Variants in MBTD1 observed in about 807,000 individuals in gnomAD.
MBTD1 encodes mbt domain containing 1.
Under a neutral mutation model 87.8 loss-of-function variants are expected in MBTD1, and 24 were observed. That is an observed-to-expected ratio of 0.27 (90% CI 0.20 to 0.38). The LOEUF is 0.38. Among genes scored for constraint, MBTD1 ranks in the 10% least tolerant of loss-of-function variants. MBTD1 has a pLI of 1.00. For missense variants in MBTD1, 436 were observed against 760.2 expected, an observed-to-expected ratio of 0.57 and a Z score of 5.02; for synonymous variants, 237 against 248.6, an observed-to-expected ratio of 0.95 and a Z score of 0.44.
At chr17:51,192,610 AC>A in intron 15 of MBTD1, 171 bp downstream of exon 15, 1 of 1,175,254 alleles carries the variant, frequency 8.5e-7, no homozygotes, top group Non-Finnish European at 1.2e-6. Flanking sequence ...TTGCCATGGG[AC>A]ACATGGTCTG....
intron 7 of MBTD1, among the ~76,000 whole-genome samples, chr17:51,205,072 T>G (rs1232495102): frequency 6.6e-6 from 1 of 152,222 alleles, no homozygotes; most frequent in African/African-American, 2.4e-5. Flanking sequence ...ATAAACTTTA[T>G]GTTGATAAAA....
intron 2 of MBTD1, among the ~76,000 whole-genome samples, chr17:51,239,985 G>C (rs977052173): frequency 2.0e-5 from 3 of 151,974 alleles, no homozygotes; most frequent in Non-Finnish European, 4.4e-5. Flanking sequence ...TTCAGCCCAG[G>C]GTCATATATT....
intron 2 of MBTD1, among the ~76,000 whole-genome samples, chr17:51,253,002 C>A (rs2054882990): frequency 6.6e-6 from 1 of 151,244 alleles, no homozygotes. Flanking sequence ...CTCATCAGAG[C>A]TGAATTGGGA....
rs368806906 is a variant in MBTD1 at position 51,257,657 on chromosome 17, T to C, written c.-49+1486A>G. Among the ~76,000 whole-genome samples, 11 of 152,324 alleles carry C rather than the reference T, an allele frequency of 7.2e-5. No individual in the cohort carries two copies. The South Asian group carries it at 2.1e-3, about 29-fold the overall frequency. On this transcript the variant is annotated intron_variant, in intron 2 of 16. Coordinates refer to ENST00000586178, the MANE Select transcript of MBTD1 (RefSeq NM_017643.3). ...CTGTCTAGTATGTTTAGAATGCAGA[T>C]GTCTCCAAAGTCAGTCAACTTAAGT...
intron 2 of MBTD1, among the ~76,000 whole-genome samples, chr17:51,255,173 C>T (rs1345457792): frequency 1.3e-5 from 2 of 151,754 alleles, no homozygotes; most frequent in African/African-American, 4.8e-5. Context: ...CCCAGCCACT[C>T]GGGAGGCTGA....
At chr17:51,213,018 G>A (rs1312736972) in intron 6 of MBTD1, among the ~76,000 whole-genome samples, 3 of 151,998 alleles carry the variant, frequency 2.0e-5, no homozygotes, top group South Asian at 2.1e-4. Context: ...GTGAGTCACC[G>A]TGCCTGGCCT....
At chr17:51,211,775 C>T (rs762301744) in intron 6 of MBTD1, among the ~76,000 whole-genome samples, 4 of 147,144 alleles carry the variant, frequency 2.7e-5, no homozygotes, top group Admixed American at 1.4e-4. Flanking sequence ...TGTGGGGTCA[C>T]GACTAGGGAA....
At chr17:51,207,498 C>T (rs2051917475) in intron 6 of MBTD1, among the ~76,000 whole-genome samples, 1 of 151,926 alleles carries the variant, frequency 6.6e-6, no homozygotes, top group Non-Finnish European at 1.5e-5. Context: ...AAATCTAGTC[C>T]ACATAGATGG....
intron 2 of MBTD1, among the ~76,000 whole-genome samples, chr17:51,227,474 T>C (rs150810636): frequency 2.6e-4 from 40 of 152,082 alleles, no homozygotes; most frequent in African/African-American, 8.2e-4. Context: ...AGTAGGAGGA[T>C]AGCTTGACCT....
At chr17:51,188,099 A>C (rs2066930789) in intron 16 of MBTD1, among the ~76,000 whole-genome samples, 1 of 152,220 alleles carries the variant, frequency 6.6e-6, no homozygotes, top group Non-Finnish European at 1.5e-5. Flanking sequence ...TGCAGCAACA[A>C]CTTAAGACTT....
intron 6 of MBTD1, among the ~76,000 whole-genome samples, chr17:51,214,139 T>TAACACAC (rs71300606): frequency 6.6e-6 from 1 of 151,382 alleles, no homozygotes. Flanking sequence ...CACATACACA[T>TAACACAC]ACACTTTTGT....
chr17:51,196,759 T>A (rs1050990179), intron 12 of MBTD1, among the ~76,000 whole-genome samples: 3 of 150,996 alleles, frequency 2.0e-5, no homozygotes, highest in African/African-American at 7.3e-5. Flanking sequence ...GGCATGGCGG[T>A]GGGGGCCTGT....
chr17:51,239,477 C>T (rs1188921934), intron 2 of MBTD1, among the ~76,000 whole-genome samples: 1 of 152,054 alleles, frequency 6.6e-6, no homozygotes, highest in Non-Finnish European at 1.5e-5. Context: ...CATTTTCTCC[C>T]AATTATTCCT....
chr17:51,259,296 G>C, intron 1 of MBTD1, 90 bp from the exon 2 acceptor site: 3 of 1,224,908 alleles, frequency 2.4e-6, no homozygotes, highest in Non-Finnish European at 3.1e-6. Flanking sequence ...TGCAGCCTTG[G>C]AGGCTGCTTC....
intron 2 of MBTD1, among the ~76,000 whole-genome samples, chr17:51,241,044 T>G (rs1009204907): frequency 6.6e-6 from 1 of 152,146 alleles, no homozygotes; most frequent in Non-Finnish European, 1.5e-5. Context: ...AGTGGCGTGA[T>G]TTCGGCTCAC....
intron 2 of MBTD1, among the ~76,000 whole-genome samples, chr17:51,247,719 G>T (rs974125808): frequency 3.9e-5 from 6 of 152,050 alleles, no homozygotes; most frequent in African/African-American, 1.4e-4. Context: ...CAAAATGCTG[G>T]GATTACAGGC....
intron 16 of MBTD1, among the ~76,000 whole-genome samples, chr17:51,188,977 C>T (rs958840357): frequency 6.6e-6 from 1 of 151,912 alleles, no homozygotes; most frequent in Admixed American, 6.6e-5. Flanking sequence ...AGGCTGGTCT[C>T]GAACTCCTGA....
intron 2 of MBTD1, among the ~76,000 whole-genome samples, chr17:51,228,956 C>T (rs1434952464): frequency 1.3e-5 from 2 of 151,100 alleles, no homozygotes; most frequent in African/African-American, 2.4e-5. Context: ...AAACAGGAGA[C>T]GGGCCACTGG....
At chr17:51,211,680 A>C (rs891217135) in intron 6 of MBTD1, among the ~76,000 whole-genome samples, 2 of 152,164 alleles carry the variant, frequency 1.3e-5, no homozygotes, top group Admixed American at 6.6e-5. Context: ...CCTGCAATCT[A>C]GAATGCTACA....
Sources: gnomAD v4.1 joint callset for allele counts (sites outside exome capture counted in the v4.1 genomes callset) on GRCh38, gnomAD v4.1.1 for gene constraint, MANE v1.5 for transcripts, NCBI Gene and HGNC (gene_info 2026-07-23, HGNC 2026-07-21) for gene names.